Variants in ESCO1 observed in about 807,000 individuals in gnomAD.
ESCO1 encodes the protein N-acetyltransferase ESCO1.
ESCO1 carries 33 observed loss-of-function variants against 83.5 expected under a neutral mutation model. That is an observed-to-expected ratio of 0.40 (90% CI 0.30 to 0.53). The LOEUF is 0.53. Ranked by LOEUF, ESCO1 falls within the 20% of genes least tolerant of loss-of-function variation. The pLI, the probability that ESCO1 is intolerant of heterozygous loss-of-function variation, is 0.63. For synonymous variants in ESCO1, 332 were observed against 324.3 expected (o/e 1.02, Z -0.25); for missense variants, 855 against 968.0 (o/e 0.88, Z 1.55).
At chr18:21,555,020 C>T (rs182714559) in intron 8 of ESCO1, among the ~76,000 whole-genome samples, 48 of 152,256 alleles carry the variant, frequency 3.2e-4, no homozygotes, top group African/African-American at 1.2e-3. Context: ...TGCTTGAACC[C>T]GGGAAACGGA....
At chr18:21,557,383 T>C (rs767686065) in intron 8 of ESCO1, among the ~76,000 whole-genome samples, 12 of 152,336 alleles carry the variant, frequency 7.9e-5, no homozygotes, top group South Asian at 2.1e-4. Flanking sequence ...TTACCAATCA[T>C]AGATGACTAT....
intron 8 of ESCO1, 81 bp from the exon 9 acceptor site, chr18:21,540,090 G>A: frequency 2.5e-6 from 3 of 1,209,468 alleles, no homozygotes; most frequent in Non-Finnish European, 3.4e-6. Context: ...CCACGTACAA[G>A]ATAAAAAGTA....
At chr18:21,556,118 G>A (rs1367486961) in intron 8 of ESCO1, among the ~76,000 whole-genome samples, 3 of 151,850 alleles carry the variant, frequency 2.0e-5, no homozygotes, top group South Asian at 2.1e-4. Flanking sequence ...AGCCAGGCAT[G>A]GTGGCACACA....
intron 8 of ESCO1, among the ~76,000 whole-genome samples, chr18:21,552,610 C>G (rs921641872): frequency 7.2e-5 from 11 of 152,230 alleles, no homozygotes; most frequent in African/African-American, 2.2e-4. Flanking sequence ...TTTATAGCAG[C>G]GTGAGAACGG....
intron 4 of ESCO1, among the ~76,000 whole-genome samples, chr18:21,569,925 C>G (rs914980109): frequency 1.3e-5 from 2 of 152,116 alleles, no homozygotes; most frequent in African/African-American, 4.8e-5. Flanking sequence ...TTCTTAAGGG[C>G]AGGAAACCTA....
At chr18:21,594,969 CT>C (rs2038740208) in intron 1 of ESCO1, among the ~76,000 whole-genome samples, 1 of 114,290 alleles carries the variant, frequency 8.7e-6, no homozygotes, top group Non-Finnish European at 1.7e-5. Flanking sequence ...GTGTGTGTAT[CT>C]TTTTTATATA....
At chr18:21,564,776 GGC>G (rs1258138730) in intron 6 of ESCO1, among the ~76,000 whole-genome samples, 1 of 152,000 alleles carries the variant, frequency 6.6e-6, no homozygotes, top group Non-Finnish European at 1.5e-5. Flanking sequence ...TCAAGGAGCA[GGC>G]CTGGCATGGT....
intron 8 of ESCO1, among the ~76,000 whole-genome samples, chr18:21,542,851 T>C (rs761828787): frequency 2.0e-5 from 3 of 152,152 alleles, no homozygotes; most frequent in Admixed American, 6.5e-5. Flanking sequence ...GGCGATAAAG[T>C]CCATCCAATG....
chr18:21,548,489 C>G (rs889925938), intron 8 of ESCO1, among the ~76,000 whole-genome samples: 1 of 151,480 alleles, frequency 6.6e-6, no homozygotes, highest in African/African-American at 2.4e-5. Flanking sequence ...AGTTAAGACC[C>G]TGTCTCAAAA....
At chr18:21,556,509 G>C (rs1246883460) in intron 8 of ESCO1, among the ~76,000 whole-genome samples, 2 of 152,136 alleles carry the variant, frequency 1.3e-5, no homozygotes, top group Non-Finnish European at 2.9e-5. Context: ...TTCTGTAGCA[G>C]CACTATCCAA....
intron 1 of ESCO1, among the ~76,000 whole-genome samples, chr18:21,592,504 G>A (rs1474236925): frequency 2.0e-5 from 3 of 148,830 alleles, no homozygotes; most frequent in Non-Finnish European, 3.0e-5. Context: ...AGGGGCGGCC[G>A]GGCAGAGGCG....
At position 21,573,353 on chromosome 18, in the gene ESCO1, A is replaced by T; in HGVS notation, c.1491T>A (p.Asp497Glu). 8.8e-6 allele frequency: 14 copies of T among 1,590,534 alleles called. No homozygotes were observed. Among genetic ancestry groups the T allele is most frequent in the Non-Finnish European group, 1.2e-5 (14 of 1,174,370 alleles). The change falls in exon 4 of 12, where the codon GAT becomes GAA. Residue 497 changes from aspartate to glutamate, a missense_variant. This residue lies in a region of ESCO1 where 726 missense variants were observed against 699.5 expected (regional missense o/e 1.04). Coordinates refer to ENST00000269214, the MANE Select transcript of ESCO1 (RefSeq NM_052911.3). ...NEIKPSDPPLDNQMKHSFDSA... is the reference protein window; with the variant it reads ...NEIKPSDPPLENQMKHSFDSA... ...AATCAAAAGAATGTTTCATCTGATT[A>T]TCCAATGGTGGGTCAGAAGGTTTTA...
At chr18:21,579,795 CACACACACA>C (rs1568109877) in intron 2 of ESCO1, among the ~76,000 whole-genome samples, 221 of 10,580 alleles carry the variant, frequency 0.021, 1 homozygote, top group African/African-American at 0.028. Context: ...CGCGCGCGCG[CACACACACA>C]CACACACACA....
At chr18:21,556,902 T>C (rs1029430998) in intron 8 of ESCO1, among the ~76,000 whole-genome samples, 21 of 152,200 alleles carry the variant, frequency 1.4e-4, no homozygotes, top group African/African-American at 4.8e-4. Context: ...GGTTTCACCA[T>C]GTCGGTCAGG....
intron 7 of ESCO1, among the ~76,000 whole-genome samples, chr18:21,563,328 T>A (rs1568101990): frequency 6.6e-6 from 1 of 152,030 alleles, no homozygotes; most frequent in Non-Finnish European, 1.5e-5. Context: ...AGTCACTATT[T>A]AAGAAGGGGG....
At chr18:21,551,981 A>G (rs1051911068) in intron 8 of ESCO1, among the ~76,000 whole-genome samples, 4 of 152,194 alleles carry the variant, frequency 2.6e-5, no homozygotes, top group Non-Finnish European at 5.9e-5. Flanking sequence ...TTTACACACA[A>G]TCTCCAGTGT....
chr18:21,540,224 T>C (rs2037888462), intron 8 of ESCO1, among the ~76,000 whole-genome samples: 1 of 152,180 alleles, frequency 6.6e-6, no homozygotes, highest in Non-Finnish European at 1.5e-5. Flanking sequence ...TTCTCTCTAC[T>C]ACTCATTCAG....
At chr18:21,535,107 T>C (rs1472191775) in intron 10 of ESCO1, among the ~76,000 whole-genome samples, 2 of 152,142 alleles carry the variant, frequency 1.3e-5, no homozygotes, top group Non-Finnish European at 2.9e-5. Context: ...TTTTGCCCAC[T>C]CTAGTTCGCC....
intron 8 of ESCO1, among the ~76,000 whole-genome samples, chr18:21,560,324 A>AT (rs1844124591): frequency 7.2e-5 from 2 of 27,748 alleles, no homozygotes; most frequent in Non-Finnish European, 1.4e-4. Flanking sequence ...ACTCTGTGGG[A>AT]ATTTTTTTTT....
Sources: allele counts gnomAD v4.1 joint callset (sites outside exome capture counted in the v4.1 genomes callset), GRCh38; gene constraint gnomAD v4.1.1; regional missense constraint gnomAD v4.1.1; transcripts MANE v1.5; gene names NCBI Gene and HGNC (gene_info 2026-07-23, HGNC 2026-07-21).